The following EXOC4 variants were observed in gnomAD, a reference collection of about 807,000 sequenced individuals.
EXOC4 encodes the protein SEC8-like 1.
EXOC4 carries 71 observed loss-of-function variants against 107.2 expected under a neutral mutation model. That is an observed-to-expected ratio of 0.66 (90% CI 0.55 to 0.81). The LOEUF (loss-of-function observed/expected upper bound fraction) is 0.81. Ranked by LOEUF, EXOC4 falls within the 30% of genes least tolerant of loss-of-function variation. EXOC4 has a pLI of 0.00. For synonymous variants in EXOC4, 456 were observed against 441.2 expected (o/e 1.03, Z -0.42); for missense variants, 1,108 against 1,189.6 (o/e 0.93, Z 1.01).
At chr7:133,519,874 G>A (rs557067846) in intron 9 of EXOC4, among the ~76,000 whole-genome samples, 2 of 152,254 alleles carry the variant, frequency 1.3e-5, no homozygotes, top group Admixed American at 1.3e-4. Context: ...TGGAAAGGAT[G>A]TAGTCAGTAA....
intron 14 of EXOC4, among the ~76,000 whole-genome samples, chr7:133,986,280 A>G (rs1199670225): frequency 6.6e-6 from 1 of 152,254 alleles, no homozygotes; most frequent in African/African-American, 2.4e-5. Context: ...CTTCTGAAAT[A>G]GGAAGCAAAA....
chr7:134,007,394 C>A (rs1401638375), intron 16 of EXOC4, among the ~76,000 whole-genome samples: 1 of 152,096 alleles, frequency 6.6e-6, no homozygotes, highest in African/African-American at 2.4e-5. Context: ...TTCTCTAAGG[C>A]CTTGGCATGG....
chr7:133,676,219 A>G (rs932086732), intron 10 of EXOC4, among the ~76,000 whole-genome samples: 5 of 151,932 alleles, frequency 3.3e-5, no homozygotes, highest in Non-Finnish European at 5.9e-5. Context: ...CTTGTACTCT[A>G]TGAGAATAAG....
chr7:134,023,526 C>A (rs1396332540), intron 17 of EXOC4, among the ~76,000 whole-genome samples: 1 of 151,908 alleles, frequency 6.6e-6, no homozygotes, highest in Non-Finnish European at 1.5e-5. Context: ...CTTATTTAAT[C>A]CTTATACTAA....
the EXOC4 span, among the ~76,000 whole-genome samples, chr7:134,086,557 T>C: frequency 1.3e-5 from 2 of 152,196 alleles, no homozygotes; most frequent in Non-Finnish European, 2.9e-5. Context: ...TAATGCATGC[T>C]GTACCCATCA....
chr7:133,837,448 G>A (rs1797940790), intron 11 of EXOC4, among the ~76,000 whole-genome samples: 2 of 152,184 alleles, frequency 1.3e-5, no homozygotes, highest in African/African-American at 2.4e-5. Flanking sequence ...TGGAAGAATA[G>A]GGAGTGGTAA....
At chr7:134,000,704 T>TA (rs1585312297) in intron 15 of EXOC4, among the ~76,000 whole-genome samples, 1 of 152,094 alleles carries the variant, frequency 6.6e-6, no homozygotes, top group Non-Finnish European at 1.5e-5. Context: ...CATCCTGCTG[T>TA]AAAAAAAGAA....
chr7:134,026,058 G>A (rs910178241), intron 17 of EXOC4, among the ~76,000 whole-genome samples: 2 of 152,130 alleles, frequency 1.3e-5, no homozygotes, highest in African/African-American at 4.8e-5. Flanking sequence ...AGTGCAAGGA[G>A]CAGAAACTTA....
intron 11 of EXOC4, among the ~76,000 whole-genome samples, chr7:133,836,553 C>G (rs1797922455): frequency 6.6e-6 from 1 of 152,166 alleles, no homozygotes; most frequent in Non-Finnish European, 1.5e-5. Context: ...CTTAAACCAC[C>G]TCCTACTTAG....
intron 14 of EXOC4, among the ~76,000 whole-genome samples, chr7:133,987,693 T>G (rs868248357): frequency 1.3e-5 from 2 of 152,184 alleles, no homozygotes; most frequent in Non-Finnish European, 2.9e-5. Flanking sequence ...TTCTAGAAAG[T>G]TTGAATTCAC....
intron 11 of EXOC4, among the ~76,000 whole-genome samples, chr7:133,875,275 T>A (rs1326038564): frequency 6.6e-6 from 1 of 152,224 alleles, no homozygotes; most frequent in Non-Finnish European, 1.5e-5. Flanking sequence ...CTCTGAGTTC[T>A]GAGGAAGAAG....
chr7:133,301,569 T>G (rs1230068069), intron 3 of EXOC4, among the ~76,000 whole-genome samples: 1 of 152,234 alleles, frequency 6.6e-6, no homozygotes, highest in Admixed American at 6.5e-5. Flanking sequence ...ATATTTGTTT[T>G]GGATTCAACA....
chr7:133,829,744 C>T (rs1287335106), intron 11 of EXOC4, among the ~76,000 whole-genome samples: 1 of 152,190 alleles, frequency 6.6e-6, no homozygotes, highest in Admixed American at 6.5e-5. Context: ...AGCACACTCA[C>T]GTTTGTTTAA....
chr7:133,771,505 C>A (rs1400716230), intron 10 of EXOC4: 1 of 151,898 alleles, frequency 6.6e-6, no homozygotes, highest in Non-Finnish European at 1.5e-5. Flanking sequence ...TCTCTAATAA[C>A]CATGCTTGTT....
intron 11 of EXOC4, among the ~76,000 whole-genome samples, chr7:133,847,529 C>T (rs1485696453): frequency 6.9e-6 from 1 of 144,386 alleles, no homozygotes; most frequent in Non-Finnish European, 1.5e-5. Context: ...TGTGCCACTA[C>T]ACCAGCTATT....
In EXOC4 at chr7:133,884,624, C is replaced by CGT. The variant is rs1563042767; in HGVS notation, c.1735-10974_1735-10973insTG. Among the ~76,000 whole-genome samples, 358 of 138,620 alleles carry CGT rather than the reference C, an allele frequency of 2.6e-3. 5 individuals carry two copies. The highest frequency in any genetic ancestry group is 0.011 in the African/African-American group (334 of 31,618). 90.9% of individuals were successfully genotyped at this position (138,620 alleles called of 152,430 possible). On this transcript the variant is annotated intron_variant, in intron 11 of 17. Transcript: ENST00000253861. Reference sequence around the variant, plus strand: ...GTGTGTGTGTGTGTGTGTGTGTGCGCGCGTGTGTGATGGTGCTGGAGATGT... The same window carrying CGT: ...GTGTGTGTGTGTGTGTGTGTGTGCGCGTGCGTGTGTGATGGTGCTGGAGATGT...
At chr7:133,353,866 G>C (rs1795964745) in intron 5 of EXOC4, among the ~76,000 whole-genome samples, 2 of 151,552 alleles carry the variant, frequency 1.3e-5, no homozygotes, top group Non-Finnish European at 1.5e-5. Flanking sequence ...GACGTTTGCT[G>C]ATTTTTTTTC....
intron 10 of EXOC4, among the ~76,000 whole-genome samples, chr7:133,762,280 A>G (rs1382681161): frequency 6.6e-6 from 1 of 152,204 alleles, no homozygotes; most frequent in Admixed American, 6.6e-5. Context: ...TATATCTACA[A>G]AAGGGCAAGT....
chr7:133,455,857 A>G (rs1313970698), intron 7 of EXOC4, among the ~76,000 whole-genome samples: 1 of 152,252 alleles, frequency 6.6e-6, no homozygotes, highest in African/African-American at 2.4e-5. Context: ...TTCTTGCAAC[A>G]TAAGCAGTGC....
Sources: allele counts gnomAD v4.1 joint callset (sites outside exome capture counted in the v4.1 genomes callset), GRCh38; gene constraint gnomAD v4.1.1; transcripts MANE v1.5; gene names NCBI Gene and HGNC (gene_info 2026-07-23, HGNC 2026-07-21).